The following HDAC4 variants were observed in gnomAD, a reference collection of about 807,000 sequenced individuals.
The protein encoded by HDAC4 is histone deacetylase A.
HDAC4 carries 16 observed loss-of-function variants against 135.1 expected under a neutral mutation model. The ratio of observed to expected loss-of-function variants is 0.12; its 90% CI spans 0.08 to 0.18. HDAC4 has a LOEUF of 0.18. Among genes scored for constraint, HDAC4 ranks in the 10% least tolerant of loss-of-function variants. The pLI, the probability that HDAC4 is intolerant of heterozygous loss-of-function variation, is 1.00. For synonymous variants in HDAC4, 685 were observed against 653.4 expected, an observed-to-expected ratio of 1.05 and a Z score of -0.74; for missense variants, 1,143 against 1,511.8, an observed-to-expected ratio of 0.76 and a Z score of 4.05.
chr2:239,235,837 CAAG>C (rs2153178086), intron 3 of HDAC4, among the ~76,000 whole-genome samples: 2 of 152,200 alleles, frequency 1.3e-5, no homozygotes, highest in South Asian at 4.1e-4. Flanking sequence ...CTCAGGAGTT[CAAG>C]ACCAGCCTGG....
chr2:239,089,764 G>A, intron 18 of HDAC4: 1 of 474,764 alleles, frequency 2.1e-6, no homozygotes, highest in Non-Finnish European at 3.8e-6. Flanking sequence ...ATTTTTAAGA[G>A]TATAAAGGGT....
At position 239,066,863 on chromosome 2, in the gene HDAC4, G is replaced by A. The variant is rs760509810; in HGVS notation, c.2870-8C>T. The A allele has an allele frequency of 3.1e-6, 5 of 1,611,836 alleles. No homozygotes were observed. The highest frequency in any genetic ancestry group is 1.3e-5 in the African/African-American group (1 of 74,902). ...TCGTCAGGTACCCGAAGCCTGCAAC[G>A]GGAAACGGGAGACTGCAGTGTGAAC... On this transcript the variant is annotated splice_region_variant and splice_polypyrimidine_tract_variant and intron_variant, in intron 23 of 26. Transcript: ENST00000543185.
chr2:239,227,454 G>A (rs1425470924), intron 3 of HDAC4, among the ~76,000 whole-genome samples: 2 of 152,154 alleles, frequency 1.3e-5, no homozygotes, highest in African/African-American at 2.4e-5. Flanking sequence ...AGCCCCCAGC[G>A]GCCAGCACCC....
At chr2:239,114,422 T>C (rs972327029) in intron 13 of HDAC4, among the ~76,000 whole-genome samples, 4 of 152,230 alleles carry the variant, frequency 2.6e-5, no homozygotes, top group African/African-American at 4.8e-5. Flanking sequence ...TAGCTGCAGA[T>C]ACGGGGCTCC....
chr2:239,264,245 C>T lies in HDAC4; in HGVS notation c.23-27581G>A, dbSNP rs577996664. 2.6e-5 allele frequency among the ~76,000 whole-genome samples: 4 copies of T among 152,324 alleles called. No homozygotes were observed. In the South Asian group the frequency reaches 8.3e-4, roughly 32 times the overall value. On this transcript the variant is annotated intron_variant, in intron 2 of 26. Coordinates refer to ENST00000543185, the MANE Select transcript of HDAC4 (RefSeq NM_001378414.1). ...TTCACCTCTTTCTGCTCGGGCCGCC[C>T]CAGCCTCCACTGCGGAGGAGCAGAT...
At chr2:239,147,426 C>T (rs1478977738) in intron 7 of HDAC4, among the ~76,000 whole-genome samples, 1 of 152,262 alleles carries the variant, frequency 6.6e-6, no homozygotes, top group African/African-American at 2.4e-5. Flanking sequence ...CCTGTAACTC[C>T]AATAATTCTG....
chr2:239,379,978 T>C (rs1039974574), intron 1 of HDAC4, among the ~76,000 whole-genome samples: 7 of 152,208 alleles, frequency 4.6e-5, no homozygotes, highest in South Asian at 2.1e-4. Flanking sequence ...AGGCTCCATC[T>C]GGCCCGTGGT....
chr2:239,289,726 AC>A (rs5839739), intron 2 of HDAC4, among the ~76,000 whole-genome samples: 2,714 of 152,042 alleles, frequency 0.018, 90 homozygotes, highest in African/African-American at 0.062. Context: ...AGCAGAGAGC[AC>A]CCCCCAAAGT....
chr2:239,281,173 C>T (rs1232915709), intron 2 of HDAC4, among the ~76,000 whole-genome samples: 31 of 130,390 alleles, frequency 2.4e-4, no homozygotes, highest in African/African-American at 7.8e-4. Context: ...ACACAATGTA[C>T]ACACCACTCT....
At chr2:239,180,622 G>A (rs1445181484) in intron 4 of HDAC4, among the ~76,000 whole-genome samples, 1 of 152,234 alleles carries the variant, frequency 6.6e-6, no homozygotes, top group Admixed American at 6.5e-5. Context: ...CCCCAGCCCA[G>A]ACAAGGGACA....
intron 22 of HDAC4, among the ~76,000 whole-genome samples, chr2:239,076,996 G>A (rs1347310295): frequency 1.3e-5 from 2 of 152,002 alleles, no homozygotes; most frequent in Non-Finnish European, 2.9e-5. Flanking sequence ...ACCTCTTTGA[G>A]ATGGCCCCAC....
intron 2 of HDAC4, among the ~76,000 whole-genome samples, chr2:239,274,135 G>T (rs2050215022): frequency 6.6e-6 from 1 of 152,204 alleles, no homozygotes; most frequent in Admixed American, 6.5e-5. Flanking sequence ...GTAAATGTTT[G>T]AAATTTTCCG....
intron 2 of HDAC4, among the ~76,000 whole-genome samples, chr2:239,242,187 G>A (rs1407497674): frequency 7.3e-6 from 1 of 136,878 alleles, no homozygotes; most frequent in African/African-American, 2.6e-5. Context: ...GAGAGAGAGA[G>A]AAAGAGGGAG....
intron 7 of HDAC4, among the ~76,000 whole-genome samples, chr2:239,149,516 C>T (rs182314846): frequency 2.1e-4 from 32 of 152,172 alleles, no homozygotes; most frequent in African/African-American, 7.5e-4. Context: ...AAAGACGATG[C>T]CCCACAGAAG....
intron 11 of HDAC4, 144 bp downstream of exon 11, chr2:239,134,101 A>G: frequency 1.4e-6 from 1 of 701,978 alleles, no homozygotes; most frequent in South Asian, 1.5e-5. Context: ...TGGCTACATC[A>G]CGTGATGGGG....
At chr2:239,118,684 G>C (rs2039362163) in intron 12 of HDAC4, among the ~76,000 whole-genome samples, 1 of 152,186 alleles carries the variant, frequency 6.6e-6, no homozygotes, top group Non-Finnish European at 1.5e-5. Flanking sequence ...ACGCATACAA[G>C]TATCAAATCA....
At chr2:239,327,842 A>G (rs114592777) in intron 2 of HDAC4, among the ~76,000 whole-genome samples, 2,967 of 152,268 alleles carry the variant, frequency 0.019, 94 homozygotes, top group African/African-American at 0.068. Flanking sequence ...CCTGGCCCAC[A>G]CTGCTCCCTG....
At position 239,318,687 on chromosome 2, in the gene HDAC4, A is replaced by G. The variant is rs1264961426; in HGVS notation, c.22+33991T>C. 1.2e-4 allele frequency among the ~76,000 whole-genome samples: 4 copies of G among 33,348 alleles called. No individual in the cohort carries two copies. In the East Asian group the frequency reaches 2.1e-3, roughly 18 times the overall value. The allele number at this position is 33,348 out of a possible 152,430, so 21.9% of individuals were successfully genotyped here. A position where few individuals can be genotyped will look rare whatever the true frequency, so the allele number is the denominator to read the frequency against. On this transcript the variant is annotated intron_variant, in intron 2 of 26. Coordinates refer to ENST00000543185, the MANE Select transcript of HDAC4 (RefSeq NM_001378414.1). ...TAACACTAACTTTCAAACGATTCTGAAAAAAAAAAAAAGGATGCATATCAA... is the reference window on the plus strand; with the variant it reads ...TAACACTAACTTTCAAACGATTCTGGAAAAAAAAAAAAGGATGCATATCAA...
At chr2:239,133,260 C>T (rs1168018889) in intron 11 of HDAC4, among the ~76,000 whole-genome samples, 1 of 152,198 alleles carries the variant, frequency 6.6e-6, no homozygotes, top group African/African-American at 2.4e-5. Flanking sequence ...CCCAAGCCAG[C>T]CCCTAGCCCC....
Sources: gnomAD v4.1 joint callset for allele counts (sites outside exome capture counted in the v4.1 genomes callset) on GRCh38, gnomAD v4.1.1 for gene constraint, MANE v1.5 for transcripts, NCBI Gene and HGNC (gene_info 2026-07-23, HGNC 2026-07-21) for gene names.